The following GSE1 variants were observed in gnomAD, a reference collection of about 807,000 sequenced individuals.
GSE1 encodes the protein Gse1 coiled-coil protein.
In GSE1, 32 loss-of-function variants were observed where a neutral mutation model predicts 112.6. The ratio of observed to expected loss-of-function variants is 0.28; its 90% CI spans 0.21 to 0.38. The LOEUF (loss-of-function observed/expected upper bound fraction) is 0.38, where lower values mean the gene tolerates loss of function less well. GSE1 is among the 10% of genes least tolerant of loss of function. The probability of loss-of-function intolerance (pLI) is 1.00; values close to 1 mark genes in which losing one functional copy is unlikely to be tolerated. For synonymous variants in GSE1, 1,115 were observed against 735.6 expected (o/e 1.52, Z -8.35); for missense variants, 2,348 against 1,699.2 (o/e 1.38, Z -6.71).
At chr16:85,464,346 G>A (rs951297996) in intron 2 of GSE1, among the ~76,000 whole-genome samples, 5 of 152,166 alleles carry the variant, frequency 3.3e-5, no homozygotes, top group Admixed American at 6.5e-5. Flanking sequence ...GGGCCGGGGT[G>A]GGGGGCAGCC....
intron 1 of GSE1, among the ~76,000 whole-genome samples, chr16:85,210,310 A>C (rs1362886250): frequency 6.6e-6 from 1 of 152,230 alleles, no homozygotes; most frequent in Non-Finnish European, 1.5e-5. Flanking sequence ...AACAAAATCC[A>C]AATGTCCACA....
At chr16:85,336,854 G>A (rs2046498850) in intron 1 of GSE1, among the ~76,000 whole-genome samples, 1 of 152,206 alleles carries the variant, frequency 6.6e-6, no homozygotes, top group African/African-American at 2.4e-5. Context: ...ATACATGCAT[G>A]AACATTCACA....
chr16:85,448,169 A>G (rs1160618406), intron 2 of GSE1, among the ~76,000 whole-genome samples: 1 of 152,220 alleles, frequency 6.6e-6, no homozygotes, highest in East Asian at 1.9e-4. Context: ...GAAGATCCAG[A>G]TAATAATGAT....
upstream of GSE1, among the ~76,000 whole-genome samples, chr16:85,607,228 A>T (rs1424019097): frequency 6.6e-6 from 1 of 151,936 alleles, no homozygotes; most frequent in East Asian, 1.9e-4. Context: ...GGTGGGGGTC[A>T]CCCGTTTCAG....
At chr16:85,331,713 T>A (rs956904456) in intron 1 of GSE1, among the ~76,000 whole-genome samples, 6,847 of 105,824 alleles carry the variant, frequency 0.065, 274 homozygotes, top group East Asian at 0.18. Context: ...ATATATTTTT[T>A]TTTTTTTTTT....
At chr16:85,247,350 G>A (rs1334699120) in intron 1 of GSE1, among the ~76,000 whole-genome samples, 3 of 152,198 alleles carry the variant, frequency 2.0e-5, no homozygotes, top group Non-Finnish European at 4.4e-5. Flanking sequence ...ACAATGGATG[G>A]GAAACCCACC....
At chr16:85,563,137 G>T (rs1319350587) in intron 1 of GSE1, among the ~76,000 whole-genome samples, 2 of 152,004 alleles carry the variant, frequency 1.3e-5, no homozygotes, top group Admixed American at 1.3e-4. Context: ...GAGTTCGGGG[G>T]TGAGGGAATC....
chr16:85,221,039 GC>G (rs1211826609), intron 1 of GSE1, among the ~76,000 whole-genome samples: 1 of 151,526 alleles, frequency 6.6e-6, no homozygotes, highest in Non-Finnish European at 1.5e-5. Context: ...CCTCCGGGCT[GC>G]CCCCTCTCCG....
At chr16:85,396,845 A>G (rs955372194) in intron 2 of GSE1, among the ~76,000 whole-genome samples, 2 of 152,086 alleles carry the variant, frequency 1.3e-5, no homozygotes, top group Admixed American at 6.5e-5. Flanking sequence ...TGTGTGTGAG[A>G]TGGGGGTGCC....
intron 1 of GSE1, among the ~76,000 whole-genome samples, chr16:85,246,958 A>G (rs1300743162): frequency 2.0e-5 from 3 of 152,026 alleles, no homozygotes; most frequent in Non-Finnish European, 4.4e-5. Flanking sequence ...GGCGCTTCCC[A>G]GTGCTCTTAG....
At chr16:85,552,347 T>TTTTTTTTTTTTTC (rs2044963616), upstream of GSE1, among the ~76,000 whole-genome samples, 1 of 94,276 alleles carries the variant, frequency 1.1e-5, no homozygotes, top group African/African-American at 3.5e-5. Flanking sequence ...TTTTTTTTTT[T>TTTTTTTTTTTTTC]TTTGAGACGG....
chr16:85,178,550 A>G (rs2074515533), intron 1 of GSE1, among the ~76,000 whole-genome samples: 1 of 152,104 alleles, frequency 6.6e-6, no homozygotes, highest in Non-Finnish European at 1.5e-5. Context: ...TAAAGCTTCT[A>G]GCAGATTCAA....
intron 1 of GSE1, among the ~76,000 whole-genome samples, chr16:85,343,287 G>A (rs910884106): frequency 3.3e-5 from 5 of 152,184 alleles, no homozygotes; most frequent in Non-Finnish European, 7.3e-5. Context: ...TTTCCATTAC[G>A]TGCTTGAGGT....
In GSE1 at chr16:85,424,279, C is replaced by G. The variant is rs551550004; in HGVS notation, c.2464+66636C>G. On this transcript the variant is annotated intron_variant, in intron 2 of 2. Coordinates refer to the GSE1 transcript ENST00000637419. Reference sequence around the variant, plus strand: ...CCCTCCGGTGCCAGCGTACAGACATCTTACCCAGAAGTCGAGGCTTGAGGT... The same window carrying G: ...CCCTCCGGTGCCAGCGTACAGACATGTTACCCAGAAGTCGAGGCTTGAGGT... Among the ~76,000 whole-genome samples the G allele has an allele frequency of 1.4e-3, 213 of 152,374 alleles. 1 individual carries two copies. Among genetic ancestry groups the G allele is most frequent in the African/African-American group, 5.0e-3 (210 of 41,594 alleles).
intron 2 of GSE1, among the ~76,000 whole-genome samples, chr16:85,642,669 C>T (rs978374359): frequency 1.3e-5 from 2 of 152,242 alleles, no homozygotes; most frequent in East Asian, 3.8e-4. Context: ...GTTCCAGGGA[C>T]CCTCTTTAGG....
chr16:85,555,241 G>A (rs986848055), upstream of GSE1: 139 of 985,216 alleles, frequency 1.4e-4, no homozygotes, highest in Non-Finnish European at 1.6e-4. Flanking sequence ...ATTGATCGAG[G>A]GGCTCTCCAC....
At chr16:85,208,577 G>A (rs2075161686) in intron 1 of GSE1, among the ~76,000 whole-genome samples, 1 of 152,024 alleles carries the variant, frequency 6.6e-6, no homozygotes, top group African/African-American at 2.4e-5. Context: ...CTAGACCAGG[G>A]ACCGCAAACT....
chr16:85,645,030 C>T (rs552909992), intron 2 of GSE1, among the ~76,000 whole-genome samples: 13 of 151,970 alleles, frequency 8.6e-5, no homozygotes, highest in African/African-American at 3.1e-4. Context: ...TCCCCACCCT[C>T]TGCCCCTGAG....
chr16:85,598,668 G>T (rs969901878), intron 1 of GSE1, among the ~76,000 whole-genome samples: 2 of 152,254 alleles, frequency 1.3e-5, no homozygotes, highest in Non-Finnish European at 2.9e-5. Context: ...GGGGCTCCAG[G>T]CCACGTGGGC....
Sources: allele counts gnomAD v4.1 joint callset (sites outside exome capture counted in the v4.1 genomes callset), GRCh38; gene constraint gnomAD v4.1.1; transcripts MANE v1.5; gene names NCBI Gene and HGNC (gene_info 2026-07-23, HGNC 2026-07-21).